The following MAP4 variants were observed in gnomAD, a reference collection of about 807,000 sequenced individuals.
MAP4 encodes the protein microtubule associated protein 4.
Under a neutral mutation model 170.2 loss-of-function variants are expected in MAP4, and 76 were observed. The ratio of observed to expected loss-of-function variants is 0.45; its 90% confidence interval spans 0.37 to 0.54. The LOEUF (loss-of-function observed/expected upper bound fraction) is 0.54. MAP4 is among the 20% of genes least tolerant of loss of function. The pLI, the probability that MAP4 is intolerant of heterozygous loss-of-function variation, is 0.00. For synonymous variants in MAP4, 909 were observed against 994.5 expected, an observed-to-expected ratio of 0.91 and a Z score of 1.62; for missense variants, 2,506 against 2,748.0, an observed-to-expected ratio of 0.91 and a Z score of 1.97.
intron 12 of MAP4, among the ~76,000 whole-genome samples, chr3:47,875,156 A>ATAAGCTGGAAGAAC (rs2094886764): frequency 6.6e-6 from 1 of 152,270 alleles, no homozygotes; most frequent in Non-Finnish European, 1.5e-5. Flanking sequence ...ACATGCTGAG[A>ATAAGCTGGAAGAAC]TAAGCTGGAA....
intron 9 of MAP4, 27 bp downstream of exon 9, chr3:47,909,011 A>G: frequency 1.1e-5 from 18 of 1,591,622 alleles, no homozygotes; most frequent in Non-Finnish European, 1.3e-5. Flanking sequence ...CCACAAGCAC[A>G]CACATTTCCC....
chr3:47,999,532 G>A (rs999595196), intron 1 of MAP4, among the ~76,000 whole-genome samples: 1 of 152,102 alleles, frequency 6.6e-6, no homozygotes, highest in South Asian at 2.1e-4. Flanking sequence ...AAAAAAGAAC[G>A]AGATCATGTC....
chr3:47,906,985 A>G (rs13072917), intron 9 of MAP4, among the ~76,000 whole-genome samples: 142,232 of 151,780 alleles, frequency 0.94, 66,782 homozygotes, highest in East Asian at 1. Context: ...ACAGGCATGC[A>G]CCACCACACC....
Position 47,973,696 on chromosome 3 carries a change from T to C in MAP4, c.292+4169A>G, listed in dbSNP as rs1245780664. ...TACCCAGGCTTCTCCACCCATAACTTAGACAGCTACAGGGACTGGTTACGA... is the reference window on the plus strand; with the variant it reads ...TACCCAGGCTTCTCCACCCATAACTCAGACAGCTACAGGGACTGGTTACGA... On this transcript the variant is annotated intron_variant, in intron 3 of 20. Coordinates refer to ENST00000683076, the MANE Select transcript of MAP4 (RefSeq NM_001385682.1). 4 of 985,384 alleles carry C rather than the reference T, an allele frequency of 4.1e-6. No individual in the cohort carries two copies. In the African/African-American group the frequency reaches 5.2e-5, roughly 13 times the overall value. The allele number at this position is 985,384 out of a possible 1,614,324, so 61.0% of individuals were successfully genotyped here. A position where few individuals can be genotyped will look rare whatever the true frequency, so the allele number is the denominator to read the frequency against.
chr3:47,975,553 C>G, intron 3 of MAP4: 1 of 833,412 alleles, frequency 1.2e-6, no homozygotes, highest in South Asian at 1.4e-5. Flanking sequence ...ACAGCAAGTT[C>G]AATATCACAA....
intron 3 of MAP4, among the ~76,000 whole-genome samples, chr3:47,963,678 CCAGA>C (rs753996434): frequency 2.0e-5 from 3 of 152,152 alleles, no homozygotes; most frequent in African/African-American, 4.8e-5. Flanking sequence ...CTACTATCCA[CCAGA>C]CAGTGTTCTA....
chr3:47,895,930 C>T (rs2100026588), intron 10 of MAP4, among the ~76,000 whole-genome samples: 1 of 152,082 alleles, frequency 6.6e-6, no homozygotes, highest in Admixed American at 6.6e-5. Flanking sequence ...ATGAGGTCAA[C>T]ATCTAGCAAC....
chr3:47,880,687 G>T (rs372396735), intron 10 of MAP4, among the ~76,000 whole-genome samples: 115 of 152,120 alleles, frequency 7.6e-4, no homozygotes, highest in African/African-American at 2.7e-3. Flanking sequence ...GGCCCAAACT[G>T]ACCGGTCTCA....
chr3:48,019,983 T>C (rs771006317), upstream of MAP4, among the ~76,000 whole-genome samples: 1 of 152,236 alleles, frequency 6.6e-6, no homozygotes, highest in Non-Finnish European at 1.5e-5. Flanking sequence ...GAAGAGGACA[T>C]AGGAATTTGT....
intron 19 of MAP4, among the ~76,000 whole-genome samples, chr3:47,853,806 G>A (rs2049210323): frequency 6.6e-6 from 1 of 152,160 alleles, no homozygotes; most frequent in African/African-American, 2.4e-5. Context: ...AGCCCTGCCT[G>A]CACATCTGTC....
At chr3:47,967,888 A>G (rs1559636197) in intron 3 of MAP4, among the ~76,000 whole-genome samples, 1 of 151,802 alleles carries the variant, frequency 6.6e-6, no homozygotes, top group Non-Finnish European at 1.5e-5. Context: ...ACTTGAACCC[A>G]GAGTTCCAGG....
chr3:47,867,135 G>A (rs1358536654), intron 17 of MAP4, 111 bp downstream of exon 17: 22 of 716,832 alleles, frequency 3.1e-5, no homozygotes, highest in Middle Eastern at 3.8e-4. Context: ...CTTACAGAAC[G>A]CTACAGCTCA....
Position 47,863,588 on chromosome 3 carries a change from C to T in MAP4, c.6501+3658G>A, listed in dbSNP as rs549795767. Among the ~76,000 whole-genome samples, 10 of 152,156 alleles carry T rather than the reference C, an allele frequency of 6.6e-5. No individual in the cohort carries two copies. The South Asian group carries it at 1.9e-3, about 29-fold the overall frequency. On this transcript the variant is annotated intron_variant, in intron 17 of 20. Transcript: ENST00000683076. ...GCTTGTGCTTACACAGGCTGCCTGC[C>T]GCTCTATGAGAGCCTGCAGGCACAC...
chr3:48,012,974 T>G (rs1013985478), intron 1 of MAP4, among the ~76,000 whole-genome samples: 35 of 151,962 alleles, frequency 2.3e-4, no homozygotes, highest in Admixed American at 5.9e-4. Flanking sequence ...TACTGTTGTT[T>G]TTTTTTTCCC....
chr3:47,945,702 TTAAAA>T (rs562126113), intron 3 of MAP4, among the ~76,000 whole-genome samples: 123 of 152,094 alleles, frequency 8.1e-4, no homozygotes, highest in African/African-American at 2.9e-3. Context: ...TTGCTGAATA[TTAAAA>T]TATTATAATT....
intron 3 of MAP4, among the ~76,000 whole-genome samples, chr3:47,959,367 G>C (rs2154156487): frequency 6.6e-6 from 1 of 152,084 alleles, no homozygotes; most frequent in Non-Finnish European, 1.5e-5. Context: ...CTGAGAGGCA[G>C]GAGAATCGCT....
intron 1 of MAP4, among the ~76,000 whole-genome samples, chr3:48,085,219 G>C (rs1273399481): frequency 7.0e-6 from 1 of 141,908 alleles, no homozygotes; most frequent in Non-Finnish European, 1.5e-5. Context: ...AAAGCAAAGT[G>C]ATTCCAAAAA....
intron 18 of MAP4, 57 bp downstream of exon 18, chr3:47,857,365 GCCCAGCTGA>G: frequency 7.6e-7 from 1 of 1,318,266 alleles, no homozygotes; most frequent in Non-Finnish European, 1.1e-6. Context: ...CCAGCTGGCT[GCCCAGCTGA>G]CCCATGGCAG....
intron 1 of MAP4, among the ~76,000 whole-genome samples, chr3:48,031,110 A>C (rs371198217): frequency 1.1e-4 from 16 of 152,136 alleles, no homozygotes; most frequent in African/African-American, 3.6e-4. Context: ...ATCAAGACTA[A>C]TATCAATAGT....
Sources: allele counts gnomAD v4.1 joint callset (sites outside exome capture counted in the v4.1 genomes callset), GRCh38; gene constraint gnomAD v4.1.1; transcripts MANE v1.5; gene names NCBI Gene and HGNC (gene_info 2026-07-23, HGNC 2026-07-21).